Variants in HS6ST3 observed in about 807,000 individuals in gnomAD.
The protein encoded by HS6ST3 is heparan sulfate 6-O-sulfotransferase 3, also known as heparan-sulfate 6-O-sulfotransferase 3.
In HS6ST3, 12 loss-of-function variants were observed where a neutral mutation model predicts 36.7. The ratio of observed to expected loss-of-function variants is 0.33; its 90% CI spans 0.21 to 0.53. The LOEUF is 0.53. Ranked by LOEUF, HS6ST3 falls within the 20% of genes least tolerant of loss-of-function variation. HS6ST3 has a pLI of 0.95. For missense variants in HS6ST3, 584 were observed against 640.9 expected (o/e 0.91, Z 0.96); for synonymous variants, 240 against 257.5 (o/e 0.93, Z 0.65).
Position 96,781,281 on chromosome 13 carries a change from G to A in HS6ST3, c.708-51209G>A, listed in dbSNP as rs143679959. Among the ~76,000 whole-genome samples the A allele has an allele frequency of 5.6e-4, 86 of 152,306 alleles. No individual in the cohort carries two copies. In the South Asian group the frequency reaches 0.013, roughly 24 times the overall value. ...TGTGAATTAGGGAAAGGCACTACACGTCTTCCAAGTGAACACAGCCCTAAG... is the reference window on the plus strand; with the variant it reads ...TGTGAATTAGGGAAAGGCACTACACATCTTCCAAGTGAACACAGCCCTAAG... On this transcript the variant is annotated intron_variant, in intron 1 of 1. Coordinates refer to ENST00000376705, the MANE Select transcript of HS6ST3 (RefSeq NM_153456.4).
intron 1 of HS6ST3, among the ~76,000 whole-genome samples, chr13:96,392,447 A>G (rs1441804278): frequency 1.3e-5 from 2 of 152,206 alleles, no homozygotes; most frequent in South Asian, 2.1e-4. Context: ...ATAATAAAAC[A>G]AACAGCACAT....
At chr13:96,736,473 C>T (rs986159822) in intron 1 of HS6ST3, among the ~76,000 whole-genome samples, 10 of 152,078 alleles carry the variant, frequency 6.6e-5, no homozygotes, top group Non-Finnish European at 1.5e-4. Context: ...TCATTATAAA[C>T]ATCATCATAA....
At chr13:96,708,146 A>C (rs546067677) in intron 1 of HS6ST3, among the ~76,000 whole-genome samples, 56 of 152,362 alleles carry the variant, frequency 3.7e-4, no homozygotes, top group South Asian at 1.0e-3. Context: ...TCAAGAAAAC[A>C]GCTGCCAGAA....
chr13:96,659,010 A>C (rs1321019532), intron 1 of HS6ST3, among the ~76,000 whole-genome samples: 1 of 152,168 alleles, frequency 6.6e-6, no homozygotes, highest in East Asian at 1.9e-4. Context: ...CCTAGCCTGT[A>C]TGAACTCTTT....
At chr13:96,147,801 G>GA (rs1216120395) in intron 1 of HS6ST3, among the ~76,000 whole-genome samples, 6 of 152,138 alleles carry the variant, frequency 3.9e-5, no homozygotes, top group Admixed American at 6.6e-5. Context: ...ATGAATGAAT[G>GA]AATGAATACA....
chr13:96,715,106 ATATT>A (rs1258250467), intron 1 of HS6ST3, among the ~76,000 whole-genome samples: 1 of 152,214 alleles, frequency 6.6e-6, no homozygotes, highest in African/African-American at 2.4e-5. Context: ...CACAAATACT[ATATT>A]AAATAACAAA....
intron 1 of HS6ST3, among the ~76,000 whole-genome samples, chr13:96,706,237 G>A (rs1875419082): frequency 6.6e-6 from 1 of 151,816 alleles, no homozygotes; most frequent in African/African-American, 2.4e-5. Flanking sequence ...ATGAACATTA[G>A]TTCCCGGATG....
chr13:96,706,192 G>A (rs1594841090), intron 1 of HS6ST3, among the ~76,000 whole-genome samples: 1 of 151,844 alleles, frequency 6.6e-6, no homozygotes, highest in East Asian at 1.9e-4. Flanking sequence ...AAATGTGCAT[G>A]TTCCTCTTCC....
chr13:96,687,567 G>A (rs625709), intron 1 of HS6ST3, among the ~76,000 whole-genome samples: 149,723 of 152,000 alleles, frequency 0.99, 73,780 homozygotes, highest in Middle Eastern at 1. Context: ...CATATAAGCA[G>A]ATCTCTGAAA....
chr13:96,141,661 A>G (rs1032395947), intron 1 of HS6ST3, among the ~76,000 whole-genome samples: 1 of 152,140 alleles, frequency 6.6e-6, no homozygotes, highest in Admixed American at 6.6e-5. Context: ...GATATTGGGC[A>G]GTGCCCCTGG....
intron 1 of HS6ST3, among the ~76,000 whole-genome samples, chr13:96,301,153 T>C (rs546776341): frequency 7.0e-4 from 107 of 152,338 alleles, no homozygotes; most frequent in Non-Finnish European, 1.2e-3. Flanking sequence ...GAAATAATTG[T>C]CAATATATAT....
At chr13:96,378,803 G>C (rs1315258388) in intron 1 of HS6ST3, among the ~76,000 whole-genome samples, 2 of 152,098 alleles carry the variant, frequency 1.3e-5, no homozygotes, top group African/African-American at 2.4e-5. Context: ...CTATAAAGCG[G>C]TGACTTTTCT....
At chr13:96,400,971 A>T (rs1459022095) in intron 1 of HS6ST3, among the ~76,000 whole-genome samples, 1 of 152,180 alleles carries the variant, frequency 6.6e-6, no homozygotes, top group Non-Finnish European at 1.5e-5. Context: ...AAAAATCTTC[A>T]TTTTAAGCAT....
At chr13:96,643,460 A>T (rs547440027) in intron 1 of HS6ST3, among the ~76,000 whole-genome samples, 4 of 151,930 alleles carry the variant, frequency 2.6e-5, no homozygotes, top group Non-Finnish European at 5.9e-5. Context: ...TGGACATCTC[A>T]TTACCTATGT....
intron 1 of HS6ST3, among the ~76,000 whole-genome samples, chr13:96,310,736 T>C (rs1025690444): frequency 6.7e-6 from 1 of 149,234 alleles, no homozygotes; most frequent in East Asian, 2.1e-4. Flanking sequence ...TATGCGTGCA[T>C]CACAACATAC....
chr13:96,406,449 G>T (rs1566351813), intron 1 of HS6ST3, among the ~76,000 whole-genome samples: 1 of 152,160 alleles, frequency 6.6e-6, no homozygotes, highest in Admixed American at 6.5e-5. Context: ...CTATTCATTA[G>T]CTATAAACTG....
chr13:96,745,902 G>A (rs1876549278), intron 1 of HS6ST3, among the ~76,000 whole-genome samples: 1 of 151,902 alleles, frequency 6.6e-6, no homozygotes, highest in South Asian at 2.1e-4. Context: ...TCATCTTCAG[G>A]CTTTCCCATC....
intron 1 of HS6ST3, among the ~76,000 whole-genome samples, chr13:96,482,184 C>T (rs2055892975): frequency 6.6e-6 from 1 of 152,120 alleles, no homozygotes; most frequent in Non-Finnish European, 1.5e-5. Context: ...CAGAGAGTTA[C>T]CTGTTTCTAC....
rs561430046 is a variant in HS6ST3 at position 96,554,262 on chromosome 13, G to T, written c.708-278228G>T. Among the ~76,000 whole-genome samples the T allele has an allele frequency of 5.3e-5, 8 of 152,246 alleles. No homozygotes were observed. In the South Asian group the frequency reaches 1.7e-3, roughly 32 times the overall value. On this transcript the variant is annotated intron_variant, in intron 1 of 1. Coordinates refer to ENST00000376705, the MANE Select transcript of HS6ST3 (RefSeq NM_153456.4). ...AAATAGATAACAGCCAGGAAAGTGT[G>T]TTACCAAACCAAGAGGTGAGAATTT...
Sources: allele counts gnomAD v4.1 joint callset (sites outside exome capture counted in the v4.1 genomes callset), GRCh38; gene constraint gnomAD v4.1.1; transcripts MANE v1.5; gene names NCBI Gene and HGNC (gene_info 2026-07-23, HGNC 2026-07-21).